Variants in DYSF observed in about 807,000 individuals in gnomAD.
The protein encoded by DYSF is dysferlin.
Under a neutral mutation model 274.9 loss-of-function variants are expected in DYSF, and 212 were observed. That is an observed-to-expected ratio of 0.77 (90% CI 0.69 to 0.86). DYSF has a LOEUF of 0.86. Ranked by LOEUF, DYSF falls within the 40% of genes least tolerant of loss-of-function variation. The pLI is 0.00. For missense variants in DYSF, 2,666 were observed against 2,783.2 expected, an observed-to-expected ratio of 0.96 and a Z score of 0.95; for synonymous variants, 1,091 against 1,078.7, an observed-to-expected ratio of 1.01 and a Z score of -0.22.
chr2:71,569,371 C>T (rs1054082804), intron 26 of DYSF, among the ~76,000 whole-genome samples: 66 of 152,144 alleles, frequency 4.3e-4, no homozygotes, highest in African/African-American at 1.5e-3. Flanking sequence ...TGTCTATTGC[C>T]GCCTTTGCCT....
At chr2:71,466,608 G>A (rs1044278188), upstream of DYSF, 1 of 1,227,262 alleles carries the variant, frequency 8.1e-7, no homozygotes, top group Non-Finnish European at 1.0e-6. Context: ...CGCCCGCCGC[G>A]GGCAGGGCGG....
chr2:71,633,753 G>A (rs372896129), intron 41 of DYSF, among the ~76,000 whole-genome samples: 5 of 152,058 alleles, frequency 3.3e-5, no homozygotes, highest in Admixed American at 6.5e-5. Context: ...AAGGTTTAAC[G>A]TTATAACCTC....
chr2:71,502,844 G>T (rs573080893), intron 3 of DYSF, among the ~76,000 whole-genome samples: 17 of 152,276 alleles, frequency 1.1e-4, no homozygotes, highest in African/African-American at 3.9e-4. Flanking sequence ...GGGGCTCAGG[G>T]GCAGTGTGGG....
chr2:71,453,801 G>A, exon 1 of DYSF: 1 of 636,890 alleles, frequency 1.6e-6, no homozygotes, highest in South Asian at 1.7e-5. Flanking sequence ...CGGGGACCCA[G>A]CCTAGCCCAC....
At chr2:71,580,567 G>A (rs1200257115) in intron 30 of DYSF, among the ~76,000 whole-genome samples, 3 of 152,226 alleles carry the variant, frequency 2.0e-5, no homozygotes, top group Non-Finnish European at 4.4e-5. Context: ...GGCCCTGGGA[G>A]GTGCGAGGGG....
intron 3 of DYSF, among the ~76,000 whole-genome samples, chr2:71,494,655 C>T (rs1188905723): frequency 2.6e-5 from 4 of 152,212 alleles, no homozygotes; most frequent in African/African-American, 9.7e-5. Flanking sequence ...TTGATCCCTA[C>T]CTGTGCCTAG....
At chr2:71,537,802 T>G (rs1023854106) in intron 16 of DYSF, among the ~76,000 whole-genome samples, 1 of 152,074 alleles carries the variant, frequency 6.6e-6, no homozygotes, top group East Asian at 1.9e-4. Flanking sequence ...CTGGGATGTG[T>G]CATCTGAAGC....
chr2:71,619,937 A>G (rs72902697), intron 40 of DYSF, among the ~76,000 whole-genome samples: 5,221 of 152,282 alleles, frequency 0.034, 283 homozygotes, highest in African/African-American at 0.12. Context: ...GTAGGCAAGG[A>G]GCTGATGCTC....
chr2:71,526,425 C>CTGGGGGGGGGGGGGGGGGGGTGGGGGGGG, intron 13 of DYSF, 79 bp downstream of exon 13: 1 of 360,048 alleles, frequency 2.8e-6, no homozygotes, highest in Non-Finnish European at 5.2e-6. Context: ...CGATGGCGGG[C>CTGGGGGGGGGGGGGGGGGGGTGGGGGGGG]GGGGTCAGCT....
intron 42 of DYSF, among the ~76,000 whole-genome samples, chr2:71,648,142 T>C (rs1448721003): frequency 6.6e-6 from 1 of 152,190 alleles, no homozygotes; most frequent in Non-Finnish European, 1.5e-5. Context: ...AAATGAAAAC[T>C]TATCAGTAGA....
At chr2:71,456,565 T>C (rs1420706656) in intron 1 of DYSF, among the ~76,000 whole-genome samples, 20 of 152,168 alleles carry the variant, frequency 1.3e-4, no homozygotes, top group Admixed American at 1.3e-3. Flanking sequence ...AGACTCTATC[T>C]GTTGTCCCAT....
At chr2:71,481,757 C>A in intron 2 of DYSF, 122 bp from the exon 3 acceptor site, 1 of 635,136 alleles carries the variant, frequency 1.6e-6, no homozygotes, top group Non-Finnish European at 2.7e-6. Context: ...GATCCATCTG[C>A]CTATCCACTA....
At position 71,513,862 on chromosome 2, in the gene DYSF, A is replaced by G; in HGVS notation, c.700A>G (p.Arg234Gly). 1 of 1,614,234 alleles carries G rather than the reference A, an allele frequency of 6.2e-7. No individual in the cohort carries two copies. Among genetic ancestry groups the G allele is most frequent in the Non-Finnish European group, 8.5e-7 (1 of 1,180,040 alleles). ...RPPPHYPGIK[R>G]KRSAPTSRKL... ...TCCGCCCCACTACCCCGGGATCAAA[A>G]GAAAGCGAAGTGCGCCTACATCTAG... is the stretch of plus-strand genomic sequence containing the variant. Residue 234 changes from arginine to glycine, a missense_variant, in exon 7 of 56, where the codon AGA becomes GGA. Arg to Gly is a moderately radical substitution (Grantham distance 125, BLOSUM62 -2). This residue lies in a region of DYSF where 794 missense variants were observed against 777.1 expected (regional missense o/e 1.02). Transcript: ENST00000410020.
chr2:71,607,799 G>T (rs1049439734), intron 36 of DYSF, among the ~76,000 whole-genome samples: 1 of 152,190 alleles, frequency 6.6e-6, no homozygotes, highest in Non-Finnish European at 1.5e-5. Flanking sequence ...AAGAGAGCAG[G>T]TTCTGAGGGG....
chr2:71,660,151 G>A lies in DYSF; in HGVS notation c.4912-409G>A, dbSNP rs59512667. On this transcript the variant is annotated intron_variant, in intron 44 of 55. Transcript: ENST00000410020. ...CTGCTGCTTCCAGGAAGCATGGAGGGAGACCTCCCTGGGCTAGCCTAGGCT... is the reference window on the plus strand; with the variant it reads ...CTGCTGCTTCCAGGAAGCATGGAGGAAGACCTCCCTGGGCTAGCCTAGGCT... Among the ~76,000 whole-genome samples, 27 of 152,342 alleles carry A rather than the reference G, an allele frequency of 1.8e-4. 1 individual carries two copies. The East Asian group carries it at 5.2e-3, about 29-fold the overall frequency.
chr2:71,493,889 C>T (rs1272980951), intron 3 of DYSF, among the ~76,000 whole-genome samples: 3 of 116,298 alleles, frequency 2.6e-5, no homozygotes, highest in Admixed American at 8.5e-5. Flanking sequence ...GAAAGAAACA[C>T]AAAGGTTTTT....
intron 38 of DYSF, 48 bp from the exon 39 acceptor site, chr2:71,612,593 C>A (rs768006818): frequency 3.7e-6 from 6 of 1,607,284 alleles, no homozygotes; most frequent in Non-Finnish European, 5.1e-6. Context: ...GACCTGGAGA[C>A]TTCCCAGAGG....
At chr2:71,552,630 G>A (rs556497320) in intron 19 of DYSF, among the ~76,000 whole-genome samples, 1 of 152,336 alleles carries the variant, frequency 6.6e-6, no homozygotes, top group Non-Finnish European at 1.5e-5. Flanking sequence ...CTCTGGTCAG[G>A]CGCCTGGTGG....
chr2:71,680,889 A>G lies in DYSF; in HGVS notation c.6064-112A>G, dbSNP rs897156367. On this transcript the variant is annotated intron_variant, in intron 53 of 55. Coordinates refer to ENST00000410020, the MANE Select transcript of DYSF (RefSeq NM_001130987.2). ...CTGCTTTTATGTTCAGAAACCCTACATCTTTTTTTTTAAATAATGAAGTGG... is the reference window on the plus strand; with the variant it reads ...CTGCTTTTATGTTCAGAAACCCTACGTCTTTTTTTTTAAATAATGAAGTGG... The G allele has an allele frequency of 7.0e-6, 6 of 855,990 alleles. No individual in the cohort carries two copies. The East Asian group carries it at 1.6e-4, about 22-fold the overall frequency. 53.0% of individuals were successfully genotyped at this position (855,990 alleles called of 1,614,324 possible).
Sources: allele counts gnomAD v4.1 joint callset (sites outside exome capture counted in the v4.1 genomes callset), GRCh38; gene constraint gnomAD v4.1.1; regional missense constraint gnomAD v4.1.1; transcripts MANE v1.5; gene names NCBI Gene and HGNC (gene_info 2026-07-23, HGNC 2026-07-21).